Variants in KIF18A observed in about 807,000 individuals in gnomAD.
KIF18A encodes the protein kinesin family member 18A.
In KIF18A, 67 loss-of-function variants were observed where a neutral mutation model predicts 103.3. That is an observed-to-expected ratio of 0.65 (90% CI 0.53 to 0.79). The LOEUF is 0.79. Ranked by LOEUF, KIF18A falls within the 30% of genes least tolerant of loss-of-function variation. The pLI is 0.00. For synonymous variants in KIF18A, 367 were observed against 355.5 expected (o/e 1.03, Z -0.36); for missense variants, 1,032 against 1,062.5 (o/e 0.97, Z 0.40).
intron 2 of KIF18A, among the ~76,000 whole-genome samples, chr11:28,095,965 T>G (rs535042929): frequency 5.3e-5 from 8 of 150,432 alleles, no homozygotes; most frequent in African/African-American, 1.7e-4. Context: ...GAGCTGTGAT[T>G]GTACCAGCGC....
chr11:28,027,409 G>T (rs1041627088), intron 15 of KIF18A, among the ~76,000 whole-genome samples: 1 of 151,174 alleles, frequency 6.6e-6, no homozygotes, highest in African/African-American at 2.4e-5. Context: ...ATATTAACCC[G>T]GCTTTTGGTT....
At chr11:28,032,160 A>T (rs1056726351) in intron 15 of KIF18A, among the ~76,000 whole-genome samples, 2 of 151,876 alleles carry the variant, frequency 1.3e-5, no homozygotes, top group African/African-American at 4.8e-5. Context: ...GTAGGAGTTA[A>T]CCAAAGAAGT....
chr11:28,095,280 C>A (rs1851354093), intron 2 of KIF18A, among the ~76,000 whole-genome samples: 1 of 152,208 alleles, frequency 6.6e-6, no homozygotes, highest in Non-Finnish European at 1.5e-5. Context: ...CTTAATTATT[C>A]AATACTCTCA....
intron 11 of KIF18A, among the ~76,000 whole-genome samples, chr11:28,065,897 A>G (rs1327405714): frequency 1.3e-5 from 2 of 152,040 alleles, no homozygotes; most frequent in African/African-American, 4.8e-5. Context: ...CATATTTAAA[A>G]TTTTTAATGA....
At chr11:28,099,112 C>A (rs954280509) in intron 1 of KIF18A, among the ~76,000 whole-genome samples, 1 of 151,844 alleles carries the variant, frequency 6.6e-6, no homozygotes, top group Non-Finnish European at 1.5e-5. Context: ...ATAAATAGAT[C>A]GAAAAAATGT....
intron 15 of KIF18A, among the ~76,000 whole-genome samples, chr11:28,034,115 T>A (rs1001399473): frequency 6.6e-6 from 1 of 151,768 alleles, no homozygotes; most frequent in African/African-American, 2.4e-5. Context: ...AGTTCTAGAA[T>A]ATCCACTTGA....
At chr11:28,031,728 A>G (rs1850412786) in intron 15 of KIF18A, among the ~76,000 whole-genome samples, 1 of 151,884 alleles carries the variant, frequency 6.6e-6, no homozygotes, top group Non-Finnish European at 1.5e-5. Flanking sequence ...AACATATCTC[A>G]ACACGATAAA....
intron 5 of KIF18A, 136 bp downstream of exon 5, chr11:28,090,481 A>C: frequency 2.1e-6 from 1 of 484,632 alleles, no homozygotes; most frequent in Non-Finnish European, 3.6e-6. Flanking sequence ...GAAACTTTTC[A>C]AAGCTATAAA....
rs747760143 is a variant in KIF18A at position 28,093,446 on chromosome 11, G to T, written c.483+1197C>A. Among the ~76,000 whole-genome samples, 5 of 152,250 alleles carry T rather than the reference G, an allele frequency of 3.3e-5. No individual in the cohort carries two copies. The South Asian group carries it at 8.3e-4, about 25-fold the overall frequency. The stretch of plus-strand genomic sequence containing the variant: ...ATGGCACCAGAAATAAATAGGCAAT[G>T]AAATCAGGGTTTTTATGTTTCTGCA... On this transcript the variant is annotated intron_variant, in intron 3 of 16. Transcript: ENST00000263181.
chr11:28,061,414 T>C (rs938551047), intron 12 of KIF18A, among the ~76,000 whole-genome samples: 16 of 152,062 alleles, frequency 1.1e-4, no homozygotes, highest in African/African-American at 2.9e-4. Context: ...TTAGTCTTTT[T>C]CCCCCCATTT....
chr11:28,091,633 CTTTTATTCACCTCAT>C, intron 3 of KIF18A, 120 bp from the exon 4 acceptor site: 1 of 518,964 alleles, frequency 1.9e-6, no homozygotes, highest in Non-Finnish European at 3.4e-6. Context: ...CAGCACCTCA[CTTTTATTCACCTCAT>C]ACCTTCGATC....
chr11:28,074,210 A>G (rs1023199133), intron 10 of KIF18A, among the ~76,000 whole-genome samples: 1 of 152,002 alleles, frequency 6.6e-6, no homozygotes, highest in Admixed American at 6.6e-5. Context: ...AAAAATTTGA[A>G]ATAAAATATA....
At chr11:28,034,118 C>T (rs1031180709) in intron 15 of KIF18A, among the ~76,000 whole-genome samples, 2 of 151,588 alleles carry the variant, frequency 1.3e-5, no homozygotes, top group African/African-American at 4.8e-5. Flanking sequence ...TCTAGAATAT[C>T]CACTTGATTA....
At chr11:28,027,588 T>C (rs1400328443) in intron 15 of KIF18A, among the ~76,000 whole-genome samples, 1 of 151,942 alleles carries the variant, frequency 6.6e-6, no homozygotes, top group African/African-American at 2.4e-5. Flanking sequence ...CTTTCACTTC[T>C]TCCCATATTT....
chr11:28,077,104 A>G lies in KIF18A; in HGVS notation c.1328T>C (p.Leu443Ser). 6.3e-7 allele frequency: 1 copy of G among 1,577,528 alleles called. No homozygotes were observed. Among genetic ancestry groups the G allele is most frequent in the Non-Finnish European group, 8.6e-7 (1 of 1,167,808 alleles). The change falls in exon 10 of 17, where the codon TTG becomes TCG. Residue 443 changes from leucine (L) to serine (S), a missense_variant. Leu to Ser is a moderately radical substitution (Grantham distance 145, BLOSUM62 -2). Coordinates refer to ENST00000263181, the MANE Select transcript of KIF18A (RefSeq NM_031217.4). The stretch of plus-strand genomic sequence containing the variant: ...TTCATTTTCTTTAAGTAACATTTCC[A>G]ACTTCAGATATTCTTGTCTAATTTC... Reference protein sequence around the residue: ...REEIRQEYLKLEMLLKENELK... With the variant: ...REEIRQEYLKSEMLLKENELK...
chr11:28,057,078 G>A (rs1024878102), intron 13 of KIF18A, among the ~76,000 whole-genome samples: 2 of 151,690 alleles, frequency 1.3e-5, no homozygotes, highest in South Asian at 2.1e-4. Context: ...TATTAGATAC[G>A]AAGTGCCAAG....
chr11:28,043,669 C>T (rs1360019835), intron 13 of KIF18A, among the ~76,000 whole-genome samples: 1 of 122,288 alleles, frequency 8.2e-6, no homozygotes, highest in Non-Finnish European at 1.7e-5. Context: ...ACAGTATGAT[C>T]CCAATTTTGA....
chr11:28,051,280 A>T (rs544640131), intron 13 of KIF18A, among the ~76,000 whole-genome samples: 7 of 151,708 alleles, frequency 4.6e-5, no homozygotes, highest in South Asian at 2.1e-4. Context: ...CATACTATAT[A>T]AAAAAAACTA....
chr11:28,098,572 G>T (rs564330683), intron 1 of KIF18A, among the ~76,000 whole-genome samples: 1 of 152,184 alleles, frequency 6.6e-6, no homozygotes, highest in South Asian at 2.1e-4. Context: ...TAGTTCCAAG[G>T]ATGCATTCAA....
Sources: allele counts gnomAD v4.1 joint callset (sites outside exome capture counted in the v4.1 genomes callset), GRCh38; gene constraint gnomAD v4.1.1; transcripts MANE v1.5; gene names NCBI Gene and HGNC (gene_info 2026-07-23, HGNC 2026-07-21).